EPB41L4A: variants seen among roughly 807,000 people sequenced by gnomAD.
The protein encoded by EPB41L4A is erythrocyte membrane protein band 4.1 like 4A, also known as band 4.1-like protein 4A.
A neutral mutation model predicts 108.6 loss-of-function variants in EPB41L4A; 100 were observed. That is an observed-to-expected ratio of 0.92 (90% CI 0.78 to 1.09). The LOEUF (loss-of-function observed/expected upper bound fraction) is 1.09. Among genes scored for constraint, EPB41L4A ranks in the 50% least tolerant of loss-of-function variants. The pLI is 0.00. For missense variants in EPB41L4A, 1,030 were observed against 842.7 expected (o/e 1.22, Z -2.75); for synonymous variants, 319 against 289.0 (o/e 1.10, Z -1.05).
chr5:112,206,037 C>T (rs1215029811), intron 13 of EPB41L4A: 39 of 153,452 alleles, frequency 2.5e-4, no homozygotes, highest in Admixed American at 2.4e-3. Context: ...CTTTCAAATG[C>T]TATTTCCTGA....
At chr5:112,362,927 A>T (rs1199106986) in intron 1 of EPB41L4A, among the ~76,000 whole-genome samples, 8 of 137,884 alleles carry the variant, frequency 5.8e-5, no homozygotes, top group African/African-American at 2.2e-4. Flanking sequence ...ATTTTTTTTT[A>T]AAGGCAAGAT....
At chr5:112,373,558 A>C (rs571427888) in intron 1 of EPB41L4A, among the ~76,000 whole-genome samples, 100 of 152,388 alleles carry the variant, frequency 6.6e-4, no homozygotes, top group Non-Finnish European at 1.1e-3. Flanking sequence ...GTTATTTTAG[A>C]GCTTTCAATG....
intron 1 of EPB41L4A, among the ~76,000 whole-genome samples, chr5:112,417,226 G>A (rs1762769423): frequency 6.6e-6 from 1 of 152,178 alleles, no homozygotes; most frequent in African/African-American, 2.4e-5. Context: ...TTTGATTCAT[G>A]TTTCTTTGAC....
chr5:112,365,078 T>C (rs1759039754), intron 1 of EPB41L4A, among the ~76,000 whole-genome samples: 1 of 152,230 alleles, frequency 6.6e-6, no homozygotes, highest in Non-Finnish European at 1.5e-5. Flanking sequence ...GTTCAGCTTC[T>C]GGCATAAAGC....
chr5:112,308,199 G>T (rs1374423278), intron 1 of EPB41L4A, among the ~76,000 whole-genome samples: 1 of 152,074 alleles, frequency 6.6e-6, no homozygotes, highest in Non-Finnish European at 1.5e-5. Context: ...ATTCACACAT[G>T]TAAGAAACAC....
At position 112,254,588 on chromosome 5, in the gene EPB41L4A, T is replaced by C. The variant is rs114587923; in HGVS notation, c.795+4641A>G. Among the ~76,000 whole-genome samples the C allele has an allele frequency of 4.9e-3, 739 of 152,210 alleles. 4 individuals carry two copies. The highest frequency in any genetic ancestry group is 0.017 in the African/African-American group (686 of 41,546). ...CCCACAGTTAAGAGAGGCCCTCCCCTAAGAAGAGTCAGGCTGAACCAGGCA... is the reference window on the plus strand; with the variant it reads ...CCCACAGTTAAGAGAGGCCCTCCCCCAAGAAGAGTCAGGCTGAACCAGGCA... On this transcript the variant is annotated intron_variant, in intron 9 of 22. Transcript: ENST00000261486.
At chr5:112,214,412 T>C (rs1371161586) in intron 12 of EPB41L4A, among the ~76,000 whole-genome samples, 2 of 152,210 alleles carry the variant, frequency 1.3e-5, no homozygotes, top group Admixed American at 1.3e-4. Context: ...ATAACATACA[T>C]ATATAAACAG....
intron 2 of EPB41L4A, among the ~76,000 whole-genome samples, chr5:112,298,774 C>A (rs1173633300): frequency 6.6e-6 from 1 of 152,114 alleles, no homozygotes; most frequent in South Asian, 2.1e-4. Flanking sequence ...TCCATCTGGT[C>A]CTGGACTTTT....
intron 1 of EPB41L4A, among the ~76,000 whole-genome samples, chr5:112,390,999 A>G (rs1484823556): frequency 6.6e-6 from 1 of 152,234 alleles, no homozygotes; most frequent in African/African-American, 2.4e-5. Flanking sequence ...TAGAAGGAAA[A>G]GTAACAAACA....
At chr5:112,188,126 C>T (rs765282427) in intron 17 of EPB41L4A, among the ~76,000 whole-genome samples, 33 of 152,174 alleles carry the variant, frequency 2.2e-4, no homozygotes, top group Non-Finnish European at 4.1e-4. Context: ...CCTCCATTGC[C>T]AAAATTAAAT....
At chr5:112,182,031 C>T (rs1436563072) in intron 18 of EPB41L4A, among the ~76,000 whole-genome samples, 1 of 151,522 alleles carries the variant, frequency 6.6e-6, no homozygotes, top group Non-Finnish European at 1.5e-5. Flanking sequence ...CAGGATTGGG[C>T]CACTGTACTC....
At chr5:112,219,537 C>A (rs1227786123) in intron 12 of EPB41L4A, among the ~76,000 whole-genome samples, 2 of 152,106 alleles carry the variant, frequency 1.3e-5, no homozygotes, top group African/African-American at 4.8e-5. Context: ...TCATACTTCT[C>A]TATGACAAAA....
rs759637047 is a variant in EPB41L4A, at chr5:112,419,003, A to G, written c.37T>C (p.Cys13Arg). The change falls in exon 1 of 23, where the codon TGC becomes CGC. Residue 13 changes from cysteine (C) to arginine (R), a missense_variant. Physicochemically the swap from Cys to Arg is radical, Grantham distance 180. Coordinates refer to ENST00000261486, the MANE Select transcript of EPB41L4A (RefSeq NM_022140.5). The part of the protein sequence containing the change: ...CFCAVPEEFY[C>R]EVLLLDESKL... ...GATTCATCCAGGAGCAAAACTTCGC[A>G]GTAAAATTCTTCCGGAACAGCGCAG... The G allele has an allele frequency of 6.2e-7, 1 of 1,613,618 alleles. No individual in the cohort carries two copies. Among genetic ancestry groups the G allele is most frequent in the East Asian group, 2.2e-5 (1 of 44,816 alleles).
chr5:112,377,130 T>C (rs1033612799), intron 1 of EPB41L4A, among the ~76,000 whole-genome samples: 2 of 149,510 alleles, frequency 1.3e-5, no homozygotes, highest in African/African-American at 5.0e-5. Context: ...ACTCAAGCCG[T>C]GGGGGTCAAG....
chr5:112,164,956 C>T lies in EPB41L4A; in HGVS notation c.*34G>A. ...TCAAAAGTACCAGTGGCGCACACAA[C>T]CTTCCCACCCCTACCCTTGACCCTT... On this transcript the variant is annotated 3_prime_UTR_variant, in exon 23 of 23. Coordinates refer to ENST00000261486, the MANE Select transcript of EPB41L4A (RefSeq NM_022140.5). 13 of 1,554,332 alleles carry T rather than the reference C, an allele frequency of 8.4e-6. No individual in the cohort carries two copies. Among genetic ancestry groups the T allele is most frequent in the Non-Finnish European group, 1.0e-5 (12 of 1,154,934 alleles).
chr5:112,327,867 G>A (rs1037793108), intron 1 of EPB41L4A, among the ~76,000 whole-genome samples: 1 of 152,208 alleles, frequency 6.6e-6, no homozygotes, highest in African/African-American at 2.4e-5. Flanking sequence ...TGGTTGTCCA[G>A]TCAAACCATT....
intron 2 of EPB41L4A, among the ~76,000 whole-genome samples, chr5:112,302,951 C>T (rs983139192): frequency 1.3e-5 from 2 of 152,144 alleles, no homozygotes; most frequent in African/African-American, 4.8e-5. Context: ...TGTCAGCCCT[C>T]CCAGGATACT....
intron 2 of EPB41L4A, among the ~76,000 whole-genome samples, chr5:112,284,499 T>C (rs1173845771): frequency 6.6e-6 from 1 of 152,114 alleles, no homozygotes; most frequent in Non-Finnish European, 1.5e-5. Context: ...GTCCATTCTC[T>C]AGGATAATCA....
At chr5:112,178,209 A>G (rs942897036) in intron 18 of EPB41L4A, among the ~76,000 whole-genome samples, 2 of 152,202 alleles carry the variant, frequency 1.3e-5, no homozygotes, top group Non-Finnish European at 2.9e-5. Context: ...TAGTGGACAC[A>G]GAGAAAGTAT....
Sources: gnomAD v4.1 joint callset for allele counts (sites outside exome capture counted in the v4.1 genomes callset) on GRCh38, gnomAD v4.1.1 for gene constraint, MANE v1.5 for transcripts, NCBI Gene and HGNC (gene_info 2026-07-23, HGNC 2026-07-21) for gene names.